Variants in NEGR1 observed in about 807,000 individuals in gnomAD.
NEGR1 encodes IgLON family member 4.
In NEGR1, 10 loss-of-function variants were observed where a neutral mutation model predicts 40.9. The observed-to-expected ratio is 0.24, with a 90% CI of 0.15 to 0.42. The LOEUF (loss-of-function observed/expected upper bound fraction) is 0.42. Among genes scored for constraint, NEGR1 ranks in the 10% least tolerant of loss-of-function variants. The pLI is 1.00. For synonymous variants in NEGR1, 185 were observed against 166.8 expected (o/e 1.11, Z -0.84); for missense variants, 352 against 438.9 (o/e 0.80, Z 1.77).
chr1:71,624,425 C>T (rs1271342621), intron 4 of NEGR1, among the ~76,000 whole-genome samples: 1 of 151,926 alleles, frequency 6.6e-6, no homozygotes, highest in African/African-American at 2.4e-5. Context: ...AAGACAAATC[C>T]TACATCCTTG....
chr1:71,989,032 C>G (rs936271034), intron 1 of NEGR1, among the ~76,000 whole-genome samples: 1 of 150,764 alleles, frequency 6.6e-6, no homozygotes, highest in Non-Finnish European at 1.5e-5. Flanking sequence ...TGTTTCACCT[C>G]AAGCATACAA....
At chr1:71,681,505 T>C (rs942436266) in intron 4 of NEGR1, among the ~76,000 whole-genome samples, 6 of 152,216 alleles carry the variant, frequency 3.9e-5, no homozygotes, top group African/African-American at 1.4e-4. Flanking sequence ...GATCTTTTTT[T>C]ATTTTAAGGT....
At chr1:72,276,780 C>A (rs1354227671) in intron 1 of NEGR1, among the ~76,000 whole-genome samples, 1 of 152,154 alleles carries the variant, frequency 6.6e-6, no homozygotes, top group East Asian at 1.9e-4. Context: ...TACCACTTTT[C>A]ACTATGCATC....
At chr1:71,433,157 T>C (rs907783634) in intron 6 of NEGR1, among the ~76,000 whole-genome samples, 5 of 152,188 alleles carry the variant, frequency 3.3e-5, no homozygotes, top group Non-Finnish European at 7.4e-5. Context: ...AGAAACAAAA[T>C]GATAATACCT....
chr1:72,240,987 A>C (rs1273572455), intron 1 of NEGR1, among the ~76,000 whole-genome samples: 1 of 151,728 alleles, frequency 6.6e-6, no homozygotes, highest in Non-Finnish European at 1.5e-5. Flanking sequence ...AAATTAGATA[A>C]AAAAACTGCA....
intron 4 of NEGR1, among the ~76,000 whole-genome samples, chr1:71,674,568 C>T (rs534468909): frequency 3.4e-4 from 49 of 144,050 alleles, no homozygotes; most frequent in South Asian, 9.1e-4. Context: ...AAATACTCTG[C>T]AGGCTTTTGC....
chr1:71,709,693 C>A (rs779318409), intron 3 of NEGR1, among the ~76,000 whole-genome samples: 1 of 152,132 alleles, frequency 6.6e-6, no homozygotes, highest in Non-Finnish European at 1.5e-5. Context: ...ATTCCTGTTT[C>A]TCAACATATA....
intron 6 of NEGR1, among the ~76,000 whole-genome samples, chr1:71,547,757 C>T (rs568283758): frequency 4.5e-4 from 67 of 150,274 alleles, no homozygotes; most frequent in Middle Eastern, 3.4e-3. Flanking sequence ...CTGTGGTTGC[C>T]AGCTTTTGAG....
chr1:71,976,342 G>C (rs757208313), intron 1 of NEGR1, among the ~76,000 whole-genome samples: 2 of 152,172 alleles, frequency 1.3e-5, no homozygotes, highest in Admixed American at 6.5e-5. Context: ...GTACGTGAAC[G>C]AAGAGATAAA....
intron 1 of NEGR1, among the ~76,000 whole-genome samples, chr1:72,110,964 A>G (rs993864436): frequency 1.5e-4 from 23 of 151,646 alleles, no homozygotes; most frequent in Admixed American, 1.4e-3. Flanking sequence ...AATGTATGAA[A>G]TAGTTATTAT....
chr1:71,778,935 C>A (rs529212374), intron 2 of NEGR1, among the ~76,000 whole-genome samples: 2 of 152,268 alleles, frequency 1.3e-5, no homozygotes, highest in South Asian at 2.1e-4. Context: ...TTAGATTTGA[C>A]ATTTACCTAT....
At chr1:71,664,648 T>TGG (rs1231552203) in intron 4 of NEGR1, among the ~76,000 whole-genome samples, 10 of 152,154 alleles carry the variant, frequency 6.6e-5, no homozygotes. Flanking sequence ...GAATTTATAA[T>TGG]GAAACCTTAT....
chr1:72,230,423 T>G (rs1654325844), intron 1 of NEGR1, among the ~76,000 whole-genome samples: 1 of 152,160 alleles, frequency 6.6e-6, no homozygotes, highest in South Asian at 2.1e-4. Context: ...GATTTACTGA[T>G]ATAAGATAAA....
intron 6 of NEGR1, among the ~76,000 whole-genome samples, chr1:71,452,177 CCTTTT>C (rs1442746595): frequency 6.6e-6 from 1 of 152,096 alleles, no homozygotes; most frequent in Non-Finnish European, 1.5e-5. Context: ...CCATTAATCT[CCTTTT>C]ATTTTATTTT....
At chr1:71,429,793 G>T (rs889303485) in intron 6 of NEGR1, among the ~76,000 whole-genome samples, 4 of 152,164 alleles carry the variant, frequency 2.6e-5, no homozygotes, top group Admixed American at 6.5e-5. Context: ...TTTGCTTTCA[G>T]TTCAAAGTGC....
chr1:72,070,498 G>A lies in NEGR1; in HGVS notation c.177-135187C>T, dbSNP rs931760710. Among the ~76,000 whole-genome samples, 13 of 151,882 alleles carry A rather than the reference G, an allele frequency of 8.6e-5. 2 individuals are homozygous for A. Among genetic ancestry groups the A allele is most frequent in the Admixed American group, 7.2e-4 (11 of 15,214 alleles). On this transcript the variant is annotated intron_variant, in intron 1 of 6. Transcript: ENST00000357731. ...TGTTTCAATTTTATTGCTTCATGTA[G>A]TAGAAGTTTTGGAAATGATAAAAAA...
At chr1:71,830,659 G>T (rs914820812) in intron 2 of NEGR1, among the ~76,000 whole-genome samples, 1 of 151,920 alleles carries the variant, frequency 6.6e-6, no homozygotes, top group African/African-American at 2.4e-5. Context: ...CAGAAAGGAG[G>T]ATAGGGAATA....
intron 1 of NEGR1, among the ~76,000 whole-genome samples, chr1:72,222,001 G>A (rs908732437): frequency 3.3e-5 from 5 of 151,758 alleles, no homozygotes; most frequent in Non-Finnish European, 5.9e-5. Flanking sequence ...GGACCCAGTG[G>A]CCCCAGTCTC....
At chr1:71,970,160 A>G (rs1570565206) in intron 1 of NEGR1, among the ~76,000 whole-genome samples, 1 of 152,232 alleles carries the variant, frequency 6.6e-6, no homozygotes, top group Admixed American at 6.5e-5. Flanking sequence ...ATAGCCTGGC[A>G]GAAAGAGTGT....
Sources: gnomAD v4.1 joint callset for allele counts (sites outside exome capture counted in the v4.1 genomes callset) on GRCh38, gnomAD v4.1.1 for gene constraint, MANE v1.5 for transcripts, NCBI Gene and HGNC (gene_info 2026-07-23, HGNC 2026-07-21) for gene names.